BCO1: variants seen among roughly 807,000 people sequenced by gnomAD.
BCO1 encodes the protein beta,beta-carotene 15,15'-dioxygenase.
Under a neutral mutation model 56.3 loss-of-function variants are expected in BCO1, and 54 were observed. The observed-to-expected ratio is 0.96, with a 90% CI of 0.77 to 1.20. The LOEUF (loss-of-function observed/expected upper bound fraction) is 1.20. Ranked by LOEUF, BCO1 falls within the 50% of genes most tolerant of loss-of-function variation. The pLI is 0.00. For synonymous variants in BCO1, 318 were observed against 266.1 expected (o/e 1.20, Z -1.90); for missense variants, 801 against 690.9 (o/e 1.16, Z -1.79).
In BCO1 at chr16:81,270,454, A is replaced by G. The variant is rs752889101; in HGVS notation, c.1101+38A>G. The G allele has an allele frequency of 2.5e-6, 4 of 1,612,758 alleles. No individual in the cohort carries two copies. In the African/African-American group the frequency reaches 4.0e-5, roughly 16 times the overall value. On this transcript the variant is annotated intron_variant, in intron 7 of 10. Transcript: ENST00000258168. ...AAGGAGGTCCCTTTTCTTTCTAGAG[A>G]GATATCGGCCCAGGTGGGAAGTTAC...
chr16:81,253,096 A>G, intron 2 of BCO1, among the ~76,000 whole-genome samples: 1 of 152,124 alleles, frequency 6.6e-6, no homozygotes, highest in South Asian at 2.1e-4. Flanking sequence ...GTGACGGAGC[A>G]AGATGTTGTC....
intron 2 of BCO1, among the ~76,000 whole-genome samples, chr16:81,254,295 ATTTTTTTTT>A (rs57961725): frequency 5.0e-4 from 39 of 78,284 alleles, no homozygotes; most frequent in African/African-American, 1.7e-3. Context: ...CGCCCGGCTA[ATTTTTTTTT>A]TTTTTTTTTT....
chr16:81,270,263 C>A lies in BCO1; in HGVS notation c.948C>A (p.Asp316Glu). The A allele has an allele frequency of 6.2e-7, 1 of 1,614,144 alleles. No individual in the cohort carries two copies. Among genetic ancestry groups the A allele is most frequent in the Non-Finnish European group, 8.5e-7 (1 of 1,180,030 alleles). ...VFHHVNAYEE[D>E]GCIVFDVIAY... ...ATCACGTCAACGCCTACGAAGAGGA[C>A]GGCTGCATCGTGTTTGACGTCATTG... Residue 316 changes from aspartate (D) to glutamate (E), a missense_variant, in exon 7 of 11, where the codon GAC becomes GAA. By Grantham distance (45) the Asp-to-Glu change is conservative. Coordinates refer to ENST00000258168, the MANE Select transcript of BCO1 (RefSeq NM_017429.3).
At position 81,239,091 on chromosome 16, in the gene BCO1, A is replaced by G. The variant is rs1904998509; in HGVS notation, c.64+119A>G. 4 of 826,916 alleles carry G rather than the reference A, an allele frequency of 4.8e-6. No homozygotes were observed. In the South Asian group the frequency reaches 5.0e-5, roughly 10 times the overall value. The allele number at this position is 826,916 out of a possible 1,614,324, so 51.2% of individuals were successfully genotyped here. On this transcript the variant is annotated intron_variant, in intron 1 of 10. Coordinates refer to ENST00000258168, the MANE Select transcript of BCO1 (RefSeq NM_017429.3). ...GAGTCCAGTGGCTTGATCTCGGCCCACTGCAACCTCTGCCTCCTGGGTTCA... is the reference window on the plus strand; with the variant it reads ...GAGTCCAGTGGCTTGATCTCGGCCCGCTGCAACCTCTGCCTCCTGGGTTCA...
chr16:81,242,742 C>G (rs923883726), intron 1 of BCO1, among the ~76,000 whole-genome samples: 1 of 152,036 alleles, frequency 6.6e-6, no homozygotes, highest in African/African-American at 2.4e-5. Flanking sequence ...CAGGGGTCCC[C>G]GACCCTCGAG....
At chr16:81,270,997 G>T (rs931343692) in intron 7 of BCO1, among the ~76,000 whole-genome samples, 6 of 152,162 alleles carry the variant, frequency 3.9e-5, no homozygotes, top group African/African-American at 1.2e-4. Flanking sequence ...ACCCGCCTCG[G>T]CCTCCCAAAG....
At chr16:81,283,571 G>C (rs1030381452) in intron 8 of BCO1, among the ~76,000 whole-genome samples, 1 of 152,020 alleles carries the variant, frequency 6.6e-6, no homozygotes, top group Admixed American at 6.6e-5. Context: ...TGAGGTCAAG[G>C]GCAGGCACCT....
intron 8 of BCO1, among the ~76,000 whole-genome samples, chr16:81,281,237 GGAGTTCAAGACCA>G (rs1271219849): frequency 6.6e-6 from 1 of 152,208 alleles, no homozygotes; most frequent in African/African-American, 2.4e-5. Context: ...CTTGAGGCCA[GGAGTTCAAGACCA>G]GCCTGAGCAA....
Position 81,290,477 on chromosome 16 carries a change from G to A in BCO1, c.1544G>A (p.Gly515Glu). Residue 515 changes from glycine to glutamate, a missense_variant, in exon 11 of 11, where the codon GGA becomes GAA. Physicochemically the swap from Gly to Glu is moderately conservative, Grantham distance 98 (BLOSUM62 -2). Transcript: ENST00000258168. ...GTCGATATGCACATGGATCTCCATG[G>A]ATTATTCATTACAGACATGGACTGG... ...VDVDMHMDLH[G>E]LFITDMDWDT... 3 of 1,614,122 alleles carry A rather than the reference G, an allele frequency of 1.9e-6. No individual in the cohort carries two copies. Among genetic ancestry groups the A allele is most frequent in the Non-Finnish European group, 2.5e-6 (3 of 1,180,000 alleles).
At chr16:81,283,162 G>A (rs1168682057) in intron 8 of BCO1, among the ~76,000 whole-genome samples, 1 of 152,136 alleles carries the variant, frequency 6.6e-6, no homozygotes, top group Non-Finnish European at 1.5e-5. Context: ...TGCACTTAAT[G>A]TATGTAACCT....
intron 2 of BCO1, 111 bp from the exon 3 acceptor site, chr16:81,259,565 C>T (rs1449661797): frequency 7.8e-7 from 1 of 1,285,402 alleles, no homozygotes; most frequent in Non-Finnish European, 1.1e-6. Flanking sequence ...GGAGCTTGTC[C>T]TAGTGAAATA....
rs370798804 is a variant in BCO1 at position 81,290,324 on chromosome 16, T to C, written c.1415-24T>C. The C allele has an allele frequency of 7.6e-6, 12 of 1,580,594 alleles. No individual in the cohort carries two copies. In the Admixed American group the frequency reaches 8.3e-5, roughly 11 times the overall value. On this transcript the variant is annotated intron_variant, in intron 10 of 10. Coordinates refer to ENST00000258168, the MANE Select transcript of BCO1 (RefSeq NM_017429.3). ...GACTGAAGCCTGCACTTTTACGAAG[T>C]GTTTTTTTTCTGTTTCCCTAAAGGA...
intron 10 of BCO1, among the ~76,000 whole-genome samples, chr16:81,287,991 C>G (rs1908279124): frequency 6.6e-6 from 1 of 152,072 alleles, no homozygotes; most frequent in Non-Finnish European, 1.5e-5. Flanking sequence ...AAGTTCATAC[C>G]ACACGGCACA....
chr16:81,246,850 C>CAAAAAAAAAAAAAAACA (rs1905450965), intron 2 of BCO1, among the ~76,000 whole-genome samples: 1 of 83,344 alleles, frequency 1.2e-5, no homozygotes, highest in Non-Finnish European at 2.4e-5. Context: ...GACTTTGTCT[C>CAAAAAAAAAAAAAAACA]AAAAAAAAAA....
At chr16:81,282,234 C>T (rs914043490) in intron 8 of BCO1, among the ~76,000 whole-genome samples, 3 of 152,110 alleles carry the variant, frequency 2.0e-5, no homozygotes, top group African/African-American at 7.2e-5. Flanking sequence ...CAAAAATTAG[C>T]CGGCATGGTG....
intron 4 of BCO1, 85 bp from the exon 5 acceptor site, chr16:81,264,555 C>T (rs1906689472): frequency 6.6e-7 from 1 of 1,516,124 alleles, no homozygotes. Context: ...TTCAACCTTT[C>T]TCCTTTGAAA....
intron 2 of BCO1, 107 bp from the exon 3 acceptor site, chr16:81,259,569 T>C (rs1354167422): frequency 5.0e-6 from 7 of 1,391,600 alleles, no homozygotes; most frequent in Non-Finnish European, 7.1e-6. Context: ...CTTGTCCTAG[T>C]GAAATAACCA....
chr16:81,285,345 G>A (rs548594776), intron 8 of BCO1, among the ~76,000 whole-genome samples, 195 bp from the exon 9 acceptor site: 1 of 152,170 alleles, frequency 6.6e-6, no homozygotes, highest in African/African-American at 2.4e-5. Flanking sequence ...CTCTAATAGA[G>A]CTGGGGTAAT....
intron 10 of BCO1, among the ~76,000 whole-genome samples, chr16:81,288,148 T>C (rs758879321): frequency 4.6e-5 from 7 of 152,194 alleles, no homozygotes; most frequent in Non-Finnish European, 7.3e-5. Context: ...CAGCCCCCTC[T>C]TTAGACAAGT....
Sources: allele counts gnomAD v4.1 joint callset (sites outside exome capture counted in the v4.1 genomes callset), GRCh38; gene constraint gnomAD v4.1.1; transcripts MANE v1.5; gene names NCBI Gene and HGNC (gene_info 2026-07-23, HGNC 2026-07-21).